Variants in KISS1 observed in about 807,000 individuals in gnomAD.
KISS1 encodes KiSS-1 metastasis suppressor, also known as metastasis-suppressor KiSS-1.
For missense variants in KISS1, 182 were observed against 182.7 expected (o/e 1.00, Z 0.02); for synonymous variants, 97 against 88.7 (o/e 1.09, Z -0.52).
In KISS1 at chr1:204,190,382, T is replaced by G; in HGVS notation, c.*102A>C. On this transcript the variant is annotated 3_prime_UTR_variant, in exon 3 of 3. Transcript: ENST00000367194. The stretch of plus-strand genomic sequence containing the variant: ...TCTTTTATTGCCTCGGGTTGGAAGC[T>G]CCAGCGCCCCCTCCCTTAGCCCTAC... The G allele has an allele frequency of 8.5e-7, 1 of 1,179,858 alleles. No individual in the cohort carries two copies. Among genetic ancestry groups the G allele is most frequent in the Non-Finnish European group, 1.2e-6 (1 of 826,544 alleles). 73.1% of individuals were successfully genotyped at this position (1,179,858 alleles called of 1,614,324 possible).
At chr1:204,195,748 CACACAG>C (rs1332004273) in intron 1 of KISS1, among the ~76,000 whole-genome samples, 3 of 144,056 alleles carry the variant, frequency 2.1e-5, no homozygotes, top group African/African-American at 7.8e-5. Flanking sequence ...CACACACACA[CACACAG>C]ATTCCACTGC....
At position 204,190,746 on chromosome 1, in the gene KISS1, G is replaced by A; in HGVS notation, c.155C>T (p.Pro52Leu). Residue 52 changes from proline (P) to leucine (L), a missense_variant, in exon 3 of 3, where the codon CCG becomes CTG. By Grantham distance (98) the Pro-to-Leu change is moderately conservative. Coordinates refer to ENST00000367194, the MANE Select transcript of KISS1 (RefSeq NM_002256.4). ...GLLAPGEQSL[P>L]CTERKPAATA... ...AGCAGCTGGCTTCCTCTCGGTGCAC[G>A]GCAGGCTCTGCTCCCCGGGGGCCAG... The A allele has an allele frequency of 1.2e-6, 2 of 1,610,996 alleles. No homozygotes were observed. Among genetic ancestry groups the A allele is most frequent in the South Asian group, 1.1e-5 (1 of 90,500 alleles).
Position 204,192,974 on chromosome 1 carries a change from G to T in KISS1, c.-38-60C>A. The T allele has an allele frequency of 1.2e-6, 1 of 853,468 alleles. No homozygotes were observed. Among genetic ancestry groups the T allele is most frequent in the South Asian group, 1.4e-5 (1 of 69,718 alleles). 52.9% of individuals were successfully genotyped at this position (853,468 alleles called of 1,614,324 possible). Reference sequence around the variant, plus strand: ...GCACAGGATCTGGGCTGGGTGCTGAGGGCAGAGCCCAGTGCAAAAGGGACA... The same window carrying T: ...GCACAGGATCTGGGCTGGGTGCTGATGGCAGAGCCCAGTGCAAAAGGGACA... On this transcript the variant is annotated intron_variant, in intron 1 of 2. Coordinates refer to ENST00000367194, the MANE Select transcript of KISS1 (RefSeq NM_002256.4). This position sits in a 1 kb window ranked among gnomAD's most constrained non-coding sequence, Gnocchi z 4.2.
intron 1 of KISS1, among the ~76,000 whole-genome samples, chr1:204,195,538 C>T (rs557465688): frequency 6.6e-5 from 10 of 150,558 alleles, no homozygotes; most frequent in Admixed American, 1.3e-4. Context: ...ACACACCACA[C>T]AGATATATAC....
rs769439314 is a variant in KISS1, at chr1:204,190,675, C to A, written c.226G>T (p.Glu76Ter). 6.3e-7 allele frequency: 1 copy of A among 1,590,002 alleles called. No homozygotes were observed. Among genetic ancestry groups the A allele is most frequent in the African/African-American group, 1.3e-5 (1 of 74,530 alleles). ...RRGTSLSPPP[E>*]SSGSPQQPGL... ...GGCTGCTGGGGGCTCCCGGAGCTCT[C>A]GGGGGGCGGGGACAGCGAGGTCCCC... Residue 76 changes from glutamate (E) to a stop codon, truncating the protein, a stop_gained, in exon 3 of 3, where the codon GAG becomes TAG. Transcript: ENST00000367194. LOFTEE classifies it low-confidence loss of function (END_TRUNC).
chr1:204,194,336 G>T (rs1390788594), intron 1 of KISS1, among the ~76,000 whole-genome samples: 1 of 152,240 alleles, frequency 6.6e-6, no homozygotes, highest in Non-Finnish European at 1.5e-5. Context: ...ACTGTGACAA[G>T]TTGAAACCCA....
rs186755446 is a variant in KISS1 at position 204,192,968 on chromosome 1, T to G, written c.-38-54A>C. 6.3e-5 allele frequency: 57 copies of G among 898,304 alleles called. No individual in the cohort carries two copies. The highest frequency in any genetic ancestry group is 4.1e-4 in the African/African-American group (25 of 60,660). The allele number at this position is 898,304 out of a possible 1,614,324, so 55.6% of individuals were successfully genotyped here. On this transcript the variant is annotated intron_variant, in intron 1 of 2. Coordinates refer to ENST00000367194, the MANE Select transcript of KISS1 (RefSeq NM_002256.4). This position sits in a 1 kb window ranked among gnomAD's most constrained non-coding sequence, Gnocchi z 4.2. Reference sequence around the variant, plus strand: ...GGTCAGGCACAGGATCTGGGCTGGGTGCTGAGGGCAGAGCCCAGTGCAAAA... The same window carrying G: ...GGTCAGGCACAGGATCTGGGCTGGGGGCTGAGGGCAGAGCCCAGTGCAAAA...
At chr1:204,195,669 G>A (rs1394391554) in intron 1 of KISS1, among the ~76,000 whole-genome samples, 2 of 130,788 alleles carry the variant, frequency 1.5e-5, no homozygotes, top group African/African-American at 2.9e-5. Flanking sequence ...CCACACATGC[G>A]CACACACATC....
chr1:204,195,683 C>T (rs1658845063), intron 1 of KISS1, among the ~76,000 whole-genome samples: 2 of 150,468 alleles, frequency 1.3e-5, no homozygotes, highest in Admixed American at 6.7e-5. Flanking sequence ...ACACATCACA[C>T]ACATATACAC....
At position 204,190,431 on chromosome 1, in the gene KISS1, C is replaced by T; in HGVS notation, c.*53G>A. ...ACGTCCCCGCCCCCCGCCCCCGCCCCGCATGCTCTGACTCCTTTGGGGTCT... is the reference window on the plus strand; with the variant it reads ...ACGTCCCCGCCCCCCGCCCCCGCCCTGCATGCTCTGACTCCTTTGGGGTCT... On this transcript the variant is annotated 3_prime_UTR_variant, in exon 3 of 3. Transcript: ENST00000367194. The T allele has an allele frequency of 1.8e-6, 2 of 1,130,808 alleles. No individual in the cohort carries two copies. Among genetic ancestry groups the T allele is most frequent in the Non-Finnish European group, 1.3e-6 (1 of 780,996 alleles). The allele number at this position is 1,130,808 out of a possible 1,614,324, so 70.0% of individuals were successfully genotyped here.
intron 2 of KISS1, among the ~76,000 whole-genome samples, chr1:204,191,789 G>A (rs1222152426): frequency 6.6e-6 from 1 of 152,230 alleles, no homozygotes; most frequent in African/African-American, 2.4e-5. Context: ...GTAGGAGGAG[G>A]ATGGCTTCCT....
In KISS1 at chr1:204,192,927, G is replaced by A. The variant is rs749405929; in HGVS notation, c.-38-13C>T. 2.3e-5 allele frequency: 30 copies of A among 1,280,158 alleles called. No individual in the cohort carries two copies. Among genetic ancestry groups the A allele is most frequent in the Middle Eastern group, 4.3e-4 (2 of 4,616 alleles). 79.3% of individuals were successfully genotyped at this position (1,280,158 alleles called of 1,614,324 possible). On this transcript the variant is annotated splice_polypyrimidine_tract_variant and intron_variant, in intron 1 of 2. Transcript: ENST00000367194. The surrounding 1 kb of genome is among the most constrained non-coding windows in gnomAD (Gnocchi z 4.2). ...AAGTGCCTTGAGGCTGAGACAGAGA[G>A]AGGGAACAAAGACTAGGTCAGGCAC...
chr1:204,193,636 G>A lies in KISS1; in HGVS notation c.-38-722C>T, dbSNP rs117285422. On this transcript the variant is annotated intron_variant, in intron 1 of 2. Coordinates refer to ENST00000367194, the MANE Select transcript of KISS1 (RefSeq NM_002256.4). ...CTTATTGCCTATCATTCATGGAAAA[G>A]AAAAACCTTTCCTTGATTTATCAGG... Among the ~76,000 whole-genome samples, 146 of 152,226 alleles carry A rather than the reference G, an allele frequency of 9.6e-4. 2 individuals carry two copies. The East Asian group carries it at 0.023, about 24-fold the overall frequency.
At chr1:204,195,465 A>C (rs1658839603) in intron 1 of KISS1, among the ~76,000 whole-genome samples, 1 of 149,550 alleles carries the variant, frequency 6.7e-6, no homozygotes, top group African/African-American at 2.5e-5. Context: ...ATACACACAC[A>C]CATACACACA....
rs978139698 is a variant in KISS1, at chr1:204,192,448, G to T, written c.103+326C>A. Among the ~76,000 whole-genome samples, 9 of 151,708 alleles carry T rather than the reference G, an allele frequency of 5.9e-5. No homozygotes were observed. Among genetic ancestry groups the T allele is most frequent in the Non-Finnish European group, 1.2e-4 (8 of 67,974 alleles). ...AATCTGAGGTCACCGATAAAGCAAG[G>T]TTGCATATGAAGTTTCTTCTCAACA... On this transcript the variant is annotated intron_variant, in intron 2 of 2. Coordinates refer to ENST00000367194, the MANE Select transcript of KISS1 (RefSeq NM_002256.4). The surrounding 1 kb of genome is among the most constrained non-coding windows in gnomAD (Gnocchi z 4.2).
At chr1:204,195,173 A>ATG (rs2102330470) in intron 1 of KISS1, among the ~76,000 whole-genome samples, 3 of 151,100 alleles carry the variant, frequency 2.0e-5, no homozygotes, top group Non-Finnish European at 4.4e-5. Context: ...CATACACCAC[A>ATG]CACACCACAC....
At position 204,190,409 on chromosome 1, in the gene KISS1, T is replaced by TGCCCCCC; in HGVS notation, c.*74_*75insGGGGGGC. On this transcript the variant is annotated 3_prime_UTR_variant, in exon 3 of 3. Transcript: ENST00000367194. ...CAGCGCCCCCTCCCTTAGCCCTACGTCCCCGCCCCCCGCCCCCGCCCCGCA... is the reference window on the plus strand; with the variant it reads ...CAGCGCCCCCTCCCTTAGCCCTACGTGCCCCCCCCCCGCCCCCCGCCCCCGCCCCGCA... The TGCCCCCC allele has an allele frequency of 7.1e-4, 405 of 572,046 alleles. No homozygotes were observed. The highest frequency in any genetic ancestry group is 2.2e-3 in the East Asian group (60 of 26,706). 35.4% of individuals were successfully genotyped at this position (572,046 alleles called of 1,614,324 possible).
intron 1 of KISS1, among the ~76,000 whole-genome samples, chr1:204,195,705 T>TACACACATATCACACAC (rs1203543110): frequency 1.9e-5 from 2 of 104,760 alleles, no homozygotes; most frequent in Non-Finnish European, 3.9e-5. Flanking sequence ...CATACACCCA[T>TACACACATATCACACAC]ACACACATAT....
At chr1:204,195,752 C>CAG (rs1297043342) in intron 1 of KISS1, among the ~76,000 whole-genome samples, 1 of 143,820 alleles carries the variant, frequency 7.0e-6, no homozygotes, top group Non-Finnish European at 1.5e-5. Flanking sequence ...CACACACACA[C>CAG]AGATTCCACT....
Sources: gnomAD v4.1 joint callset for allele counts (sites outside exome capture counted in the v4.1 genomes callset) on GRCh38, gnomAD v4.1.1 for gene constraint, Gnocchi (gnomAD v3.1) non-coding constraint, MANE v1.5 for transcripts, NCBI Gene and HGNC (gene_info 2026-07-23, HGNC 2026-07-21) for gene names.